Variants in UNC45A observed in about 807,000 individuals in gnomAD.
The protein encoded by UNC45A is protein unc-45 homolog A.
A neutral mutation model predicts 103.2 loss-of-function variants in UNC45A; 78 were observed. The ratio of observed to expected loss-of-function variants is 0.76; its 90% CI spans 0.63 to 0.91. The LOEUF is 0.91. Ranked by LOEUF, UNC45A falls within the 40% of genes least tolerant of loss-of-function variation. The pLI, the probability that UNC45A is intolerant of heterozygous loss-of-function variation, is 0.00. For synonymous variants in UNC45A, 495 were observed against 504.6 expected (o/e 0.98, Z 0.25); for missense variants, 1,193 against 1,224.8 (o/e 0.97, Z 0.39).
chr15:90,939,828 A>G lies in UNC45A; in HGVS notation c.519+5A>G, dbSNP rs1240015784. ...GGCACTGAGAAAAAGCAAAAGGTAT[A>G]GGCCCTGGGCTGAGTCAGTGAGTGA... is the stretch of plus-strand genomic sequence containing the variant. On this transcript the variant is annotated splice_donor_5th_base_variant and intron_variant, in intron 5 of 19. Transcript: ENST00000418476. The G allele has an allele frequency of 2.5e-6, 4 of 1,613,604 alleles. No homozygotes were observed. The South Asian group carries it at 4.4e-5, about 18-fold the overall frequency.
Position 90,953,054 on chromosome 15 carries a change from TTGGTC to T in UNC45A, c.2421+12_2421+16del. On this transcript the variant is annotated intron_variant, in intron 18 of 19. Transcript: ENST00000418476. ...TTGGCCATGAGCAAGGAGGTGAGGG[TTGGTC>T]TGGGTGCTCATGACAGGCGGGGATG... 6.2e-7 allele frequency: 1 copy of T among 1,612,962 alleles called. No individual in the cohort carries two copies. Among genetic ancestry groups the T allele is most frequent in the East Asian group, 2.2e-5 (1 of 44,864 alleles).
intron 9 of UNC45A, 89 bp from the exon 10 acceptor site, chr15:90,946,525 C>T (rs1397224586): frequency 7.1e-7 from 1 of 1,410,004 alleles, no homozygotes; most frequent in Non-Finnish European, 9.4e-7. Context: ...CCAAGTAGTG[C>T]AGGTGCCTGG....
rs534915586 is a variant in UNC45A, at chr15:90,948,180, G to A, written c.1634G>A (p.Arg545His). ...GACCAGATCGACGCAGGCACTCGGCGCTGGGCAGTGGAGGGCCTGGCTTAC... is the reference window on the plus strand; with the variant it reads ...GACCAGATCGACGCAGGCACTCGGCACTGGGCAGTGGAGGGCCTGGCTTAC... ...CNDQIDAGTRRWAVEGLAYLT... is the reference protein window; with the variant it reads ...CNDQIDAGTRHWAVEGLAYLT... The change falls in exon 12 of 20, where the codon CGC (arginine) becomes CAC (histidine). Residue 545 changes from arginine to histidine, a missense_variant. Transcript: ENST00000418476. 88 of 1,614,158 alleles carry A rather than the reference G, an allele frequency of 5.5e-5. No homozygotes were observed. In the South Asian group the frequency reaches 9.1e-4, roughly 17 times the overall value.
At chr15:90,932,662 C>T (rs995374096), upstream of UNC45A, 2 of 528,472 alleles carry the variant, frequency 3.8e-6, no homozygotes, top group East Asian at 3.5e-5. Flanking sequence ...TTGGGCCTGC[C>T]CCAGATGAAT....
chr15:90,948,528 C>T, intron 12 of UNC45A, 126 bp from the exon 13 acceptor site: 1 of 1,457,538 alleles, frequency 6.9e-7, no homozygotes, highest in African/African-American at 1.4e-5. Context: ...CTGGGAGTTT[C>T]CCGAATTCAT....
At chr15:90,931,245 G>A, upstream of UNC45A, 1 of 1,550,384 alleles carries the variant, frequency 6.5e-7, no homozygotes, top group Non-Finnish European at 8.7e-7. Flanking sequence ...CGAGGCTGGA[G>A]TTGTGCCTCT....
At chr15:90,941,987 A>G (rs2036317882) in intron 6 of UNC45A, among the ~76,000 whole-genome samples, 1 of 151,720 alleles carries the variant, frequency 6.6e-6, no homozygotes, top group South Asian at 2.1e-4. Context: ...GAAAAAAGAA[A>G]GAAACTGGGT....
upstream of UNC45A, chr15:90,932,548 A>T (rs2035841933): frequency 8.0e-7 from 1 of 1,254,388 alleles, no homozygotes; most frequent in Non-Finnish European, 1.0e-6. Flanking sequence ...CATCGCGCGG[A>T]TGGGGCCGAC....
chr15:90,937,293 C>T (rs575332874), intron 4 of UNC45A, among the ~76,000 whole-genome samples: 2 of 152,088 alleles, frequency 1.3e-5, no homozygotes, highest in African/African-American at 2.4e-5. Flanking sequence ...TTACAGTGAG[C>T]TATGATCGTG....
intron 6 of UNC45A, among the ~76,000 whole-genome samples, chr15:90,941,958 C>CAAA (rs369044240): frequency 1.5e-5 from 1 of 68,788 alleles, no homozygotes; most frequent in African/African-American, 5.5e-5. Flanking sequence ...GACTCCGTCT[C>CAAA]AAAAAAAAAA....
Position 90,949,389 on chromosome 15 carries a change from T to C in UNC45A, c.1952T>C (p.Met651Thr). ...AAGVVSAMVCMVKTESPVLTS... is the reference protein window; with the variant it reads ...AAGVVSAMVCTVKTESPVLTS... ...GGTGTGGTGTCGGCCATGGTGTGCA[T>C]GGTGAAGACGGAGAGCCCTGTGCTG... The change falls in exon 14 of 20, where the codon ATG becomes ACG. Residue 651 changes from methionine (M) to threonine (T), a missense_variant. Met to Thr is a moderately conservative substitution (Grantham distance 81). Transcript: ENST00000418476. 1 of 1,613,708 alleles carries C rather than the reference T, an allele frequency of 6.2e-7. No homozygotes were observed. Among genetic ancestry groups the C allele is most frequent in the South Asian group, 1.1e-5 (1 of 91,084 alleles).
intron 9 of UNC45A, among the ~76,000 whole-genome samples, chr15:90,946,184 G>A (rs1195865077): frequency 4.7e-5 from 7 of 150,374 alleles, no homozygotes; most frequent in African/African-American, 1.5e-4. Context: ...AATCCAGGAG[G>A]TGGAGGTTGC....
intron 9 of UNC45A, 38 bp from the exon 10 acceptor site, chr15:90,946,576 T>C: frequency 1.9e-6 from 3 of 1,550,186 alleles, no homozygotes; most frequent in Non-Finnish European, 2.6e-6. Flanking sequence ...CCCTTTATGT[T>C]GGCCTTGGTG....
rs1277024169 is a variant in UNC45A at position 90,953,136 on chromosome 15, T to A, written c.2422-19T>A. ...TTTACACCCAACTGACTTGGTCCAC[T>A]CCTCACATCTGGCCACAGGTGCAGG... On this transcript the variant is annotated intron_variant, in intron 18 of 19. Coordinates refer to ENST00000418476, the MANE Select transcript of UNC45A (RefSeq NM_018671.5). 1.2e-6 allele frequency: 2 copies of A among 1,612,934 alleles called. No individual in the cohort carries two copies. The highest frequency in any genetic ancestry group is 3.3e-5 in the Admixed American group (2 of 59,976).
intron 6 of UNC45A, among the ~76,000 whole-genome samples, chr15:90,941,760 C>T (rs967094279): frequency 2.8e-4 from 42 of 152,010 alleles, no homozygotes; most frequent in African/African-American, 8.7e-4. Flanking sequence ...GAGATTGAGA[C>T]AATCCTGGCT....
intron 3 of UNC45A, 114 bp from the exon 4 acceptor site, chr15:90,936,171 C>T: frequency 6.6e-7 from 1 of 1,522,160 alleles, no homozygotes; most frequent in Non-Finnish European, 8.8e-7. Context: ...AAGCACCGAG[C>T]CCCACATTCG....
Position 90,935,295 on chromosome 15 carries a change from C to CCTGCGCGGGCACGAGACAACCT in UNC45A, c.-27_-6dup. ...GACTCGCCCCGCCCCAGAGACTGCG[C>CCTGCGCGGGCACGAGACAACCT]CTGCGCGGGCACGAGACAACCTCTC... On this transcript the variant is annotated 5_prime_UTR_variant, in exon 1 of 20. Coordinates refer to ENST00000418476, the MANE Select transcript of UNC45A (RefSeq NM_018671.5). The CCTGCGCGGGCACGAGACAACCT allele has an allele frequency of 2.5e-6, 4 of 1,590,068 alleles. No homozygotes were observed. The highest frequency in any genetic ancestry group is 1.3e-5 in the African/African-American group (1 of 74,678).
chr15:90,948,875 CTTTTTTT>C (rs5814443), intron 13 of UNC45A, 81 bp downstream of exon 13: 111 of 986,002 alleles, frequency 1.1e-4, no homozygotes, highest in African/African-American at 2.9e-4. Flanking sequence ...AACAACCTCC[CTTTTTTT>C]TTTTTTTTTT....
chr15:90,932,028 C>A, upstream of UNC45A: 1 of 1,613,970 alleles, frequency 6.2e-7, no homozygotes, highest in South Asian at 1.1e-5. Flanking sequence ...CCATCCCAGG[C>A]TCCTGGCAGA....
Sources: allele counts gnomAD v4.1 joint callset (sites outside exome capture counted in the v4.1 genomes callset), GRCh38; gene constraint gnomAD v4.1.1; transcripts MANE v1.5; gene names NCBI Gene and HGNC (gene_info 2026-07-23, HGNC 2026-07-21).